Variants in GCFC2 observed in about 807,000 individuals in gnomAD.
The protein encoded by GCFC2 is intron Large complex component GCFC2.
GCFC2 carries 102 observed loss-of-function variants against 99.4 expected under a neutral mutation model. The observed-to-expected ratio is 1.03, with a 90% CI of 0.87 to 1.21. The LOEUF is 1.21. GCFC2 is among the 50% of genes most tolerant of loss of function. The probability of loss-of-function intolerance (pLI) is 0.00; values close to 1 mark genes in which losing one functional copy is unlikely to be tolerated. For missense variants in GCFC2, 973 were observed against 920.9 expected (o/e 1.06, Z -0.73); for synonymous variants, 338 against 316.8 (o/e 1.07, Z -0.71).
chr2:75,692,924 C>A (rs1418837953), intron 6 of GCFC2, among the ~76,000 whole-genome samples: 3 of 152,028 alleles, frequency 2.0e-5, no homozygotes, highest in Non-Finnish European at 4.4e-5. Context: ...TTTTGGGGAG[C>A]AACAATTCCT....
chr2:75,701,930 T>A, intron 3 of GCFC2: 5 of 1,202,092 alleles, frequency 4.2e-6, no homozygotes, highest in Non-Finnish European at 5.2e-6. Context: ...GCTTTGAAAG[T>A]AAGATACTGC....
At chr2:75,700,855 G>A (rs1680554114) in intron 4 of GCFC2, among the ~76,000 whole-genome samples, 1 of 152,122 alleles carries the variant, frequency 6.6e-6, no homozygotes, top group African/African-American at 2.4e-5. Flanking sequence ...ATCTGAGTAG[G>A]CCCTAAACCC....
chr2:75,684,377 C>CT (rs1679722656), intron 11 of GCFC2, among the ~76,000 whole-genome samples: 1 of 152,178 alleles, frequency 6.6e-6, no homozygotes, highest in Non-Finnish European at 1.5e-5. Context: ...TCCTGAATGA[C>CT]TACTGGGTAA....
At chr2:75,673,358 T>C (rs1679206458) in intron 13 of GCFC2, 86 bp downstream of exon 13, 1 of 708,334 alleles carries the variant, frequency 1.4e-6, no homozygotes, top group Non-Finnish European at 2.6e-6. Flanking sequence ...AATAAAACAC[T>C]GTAGTTTCTT....
At position 75,663,658 on chromosome 2, in the gene GCFC2, AGACC is replaced by A. The variant is rs1678707255; in HGVS notation, c.*1004_*1007del. ...TAGACTGCTTGAGCTCAAGAGTTCG[AGACC>A]AGCCTGGGCAATGTCACGAAACCCC... is the stretch of plus-strand genomic sequence containing the variant. On this transcript the variant is annotated 3_prime_UTR_variant, in exon 17 of 17. Transcript: ENST00000321027. 1 of 152,298 alleles carries A rather than the reference AGACC, an allele frequency of 6.6e-6. No individual in the cohort carries two copies. Among genetic ancestry groups the A allele is most frequent in the East Asian group, 1.9e-4 (1 of 5,190 alleles). The allele number at this position is 152,298 out of a possible 1,614,324, so 9.4% of individuals were successfully genotyped here. A position where few individuals can be genotyped will look rare whatever the true frequency, so the allele number is the denominator to read the frequency against.
chr2:75,709,477 C>G (rs1354362853), intron 1 of GCFC2, among the ~76,000 whole-genome samples: 1 of 152,158 alleles, frequency 6.6e-6, no homozygotes, highest in Non-Finnish European at 1.5e-5. Flanking sequence ...ACCACATGAT[C>G]TCACATATGT....
intron 9 of GCFC2, among the ~76,000 whole-genome samples, chr2:75,689,541 C>T (rs1350283740): frequency 6.6e-6 from 1 of 152,042 alleles, no homozygotes; most frequent in East Asian, 1.9e-4. Flanking sequence ...AAAAATTTGT[C>T]TAAGATTACA....
At position 75,670,357 on chromosome 2, in the gene GCFC2, A is replaced by G; in HGVS notation, c.1957-73T>C. The G allele has an allele frequency of 2.8e-6, 3 of 1,060,404 alleles. 1 individual carries two copies. The highest frequency in any genetic ancestry group is 2.9e-5 in the South Asian group (2 of 69,818). The allele number at this position is 1,060,404 out of a possible 1,614,324, so 65.7% of individuals were successfully genotyped here. A position where few individuals can be genotyped will look rare whatever the true frequency, so the allele number is the denominator to read the frequency against. ...CTGTAATAGTCTCTAACAAACATGA[A>G]GAGTTGGTCAAACTAAAATTCTCAC... On this transcript the variant is annotated intron_variant, in intron 14 of 16. Coordinates refer to ENST00000321027, the MANE Select transcript of GCFC2 (RefSeq NM_003203.5).
In GCFC2 at chr2:75,670,182, G is replaced by T; in HGVS notation, c.2059C>A (p.Leu687Ile). 6.2e-7 allele frequency: 1 copy of T among 1,609,272 alleles called. No individual in the cohort carries two copies. The highest frequency in any genetic ancestry group is 8.5e-7 in the Non-Finnish European group (1 of 1,175,646). Residue 687 changes from leucine to isoleucine, a missense_variant, in exon 15 of 17, where the codon CTC (leucine) becomes ATC (isoleucine). Coordinates refer to ENST00000321027, the MANE Select transcript of GCFC2 (RefSeq NM_003203.5). ...LLNRYLIIAL[L>I]NATPGPDVVK... Reference sequence around the variant, plus strand: ...ACATCTGGCCCAGGTGTGGCATTGAGAAGTGCTATAATAAGGTAACGATTT... The same window carrying T: ...ACATCTGGCCCAGGTGTGGCATTGATAAGTGCTATAATAAGGTAACGATTT...
intron 12 of GCFC2, among the ~76,000 whole-genome samples, chr2:75,678,750 G>C (rs1679450633): frequency 6.6e-6 from 1 of 152,174 alleles, no homozygotes; most frequent in African/African-American, 2.4e-5. Flanking sequence ...TATAAAATGA[G>C]GCTGTCATCC....
chr2:75,676,906 C>T (rs1412605022), intron 12 of GCFC2, among the ~76,000 whole-genome samples: 14 of 152,168 alleles, frequency 9.2e-5, no homozygotes, highest in Admixed American at 9.2e-4. Context: ...GTCACTGACA[C>T]ATTTCATTAG....
intron 11 of GCFC2, among the ~76,000 whole-genome samples, chr2:75,684,145 G>A (rs1237125316): frequency 6.6e-6 from 1 of 152,166 alleles, no homozygotes; most frequent in Non-Finnish European, 1.5e-5. Flanking sequence ...GACATCTATA[G>A]AACTCTCCAC....
Position 75,683,479 on chromosome 2 carries a change from G to A in GCFC2, c.1691-3165C>T, listed in dbSNP as rs964176579. Among the ~76,000 whole-genome samples the A allele has an allele frequency of 1.3e-5, 2 of 149,450 alleles. 1 individual carries two copies. The highest frequency in any genetic ancestry group is 1.3e-4 in the Admixed American group (2 of 15,186). On this transcript the variant is annotated intron_variant, in intron 11 of 16. Transcript: ENST00000321027. ...TGGAAAGGTACAACTGGTACCAGAC[G>A]CTGCAAAAACATACCGAATTGTAAA...
chr2:75,667,049 A>C (rs1360152875), intron 15 of GCFC2, among the ~76,000 whole-genome samples: 2 of 152,170 alleles, frequency 1.3e-5, no homozygotes, highest in East Asian at 3.9e-4. Context: ...AGAGTCTTGG[A>C]AAGTTTCTTA....
chr2:75,704,775 C>T (rs551592878), intron 2 of GCFC2, among the ~76,000 whole-genome samples: 5 of 152,198 alleles, frequency 3.3e-5, no homozygotes, highest in Admixed American at 3.3e-4. Context: ...ACCTCTGCCT[C>T]CCAGGTTCAA....
chr2:75,705,809 A>G (rs1443273823), intron 2 of GCFC2, among the ~76,000 whole-genome samples: 1 of 152,206 alleles, frequency 6.6e-6, no homozygotes, highest in Non-Finnish European at 1.5e-5. Flanking sequence ...AAAACAAGTT[A>G]TAAACCTCTG....
In GCFC2 at chr2:75,710,893, G is replaced by T; in HGVS notation, c.-38C>A. On this transcript the variant is annotated 5_prime_UTR_variant, in exon 1 of 17. Transcript: ENST00000321027. ...AGCGCCCGGCGCCCTAGAACCCGCTGAACCGCAAGCCGCAGCTTCAGTGCC... is the reference window on the plus strand; with the variant it reads ...AGCGCCCGGCGCCCTAGAACCCGCTTAACCGCAAGCCGCAGCTTCAGTGCC... 1 of 1,489,200 alleles carries T rather than the reference G, an allele frequency of 6.7e-7. No individual in the cohort carries two copies. The highest frequency in any genetic ancestry group is 1.3e-5 in the South Asian group (1 of 77,762). The allele number at this position is 1,489,200 out of a possible 1,614,324, so 92.2% of individuals were successfully genotyped here. A position where few individuals can be genotyped will look rare whatever the true frequency, so the allele number is the denominator to read the frequency against.
intron 1 of GCFC2, among the ~76,000 whole-genome samples, chr2:75,707,284 G>A (rs767324995): frequency 1.3e-5 from 2 of 152,154 alleles, no homozygotes; most frequent in African/African-American, 2.4e-5. Flanking sequence ...CATGATTTGG[G>A]AAGGTAAATA....
At chr2:75,681,911 C>T (rs1378832165) in intron 11 of GCFC2, among the ~76,000 whole-genome samples, 1 of 151,928 alleles carries the variant, frequency 6.6e-6, no homozygotes, top group Non-Finnish European at 1.5e-5. Flanking sequence ...CTTCTCTGGG[C>T]AGAGCATCTC....
Sources: gnomAD v4.1 joint callset for allele counts (sites outside exome capture counted in the v4.1 genomes callset) on GRCh38, gnomAD v4.1.1 for gene constraint, MANE v1.5 for transcripts, NCBI Gene and HGNC (gene_info 2026-07-23, HGNC 2026-07-21) for gene names.